FSTL5: variants seen among roughly 807,000 people sequenced by gnomAD.
The protein encoded by FSTL5 is follistatin like 5.
In FSTL5, 62 loss-of-function variants were observed where a neutral mutation model predicts 89.1. The observed-to-expected ratio is 0.70, with a 90% confidence interval of 0.57 to 0.86. The LOEUF (loss-of-function observed/expected upper bound fraction) is 0.86, where lower values mean the gene tolerates loss of function less well. FSTL5 is among the 40% of genes least tolerant of loss of function. The pLI is 0.00. For synonymous variants in FSTL5, 383 were observed against 346.2 expected (o/e 1.11, Z -1.18); for missense variants, 1,057 against 1,001.6 (o/e 1.06, Z -0.75).
chr4:161,727,493 G>T (rs1471929096), intron 6 of FSTL5, among the ~76,000 whole-genome samples: 1 of 152,110 alleles, frequency 6.6e-6, no homozygotes, highest in Admixed American at 6.5e-5. Context: ...AGTGAAGCTG[G>T]TCAATTTGCC....
intron 3 of FSTL5, among the ~76,000 whole-genome samples, chr4:161,988,119 T>A (rs914657837): frequency 2.6e-5 from 4 of 151,742 alleles, no homozygotes; most frequent in Non-Finnish European, 5.9e-5. Context: ...TAATACTAGA[T>A]AAACTATAGC....
At chr4:161,584,666 T>C (rs1363908055) in intron 8 of FSTL5, among the ~76,000 whole-genome samples, 1 of 152,192 alleles carries the variant, frequency 6.6e-6, no homozygotes, top group Non-Finnish European at 1.5e-5. Flanking sequence ...ACTATAATCA[T>C]AGTTTTATTA....
Position 161,826,540 on chromosome 4 carries a change from G to A in FSTL5, c.410-50466C>T, listed in dbSNP as rs558088585. 7.9e-5 allele frequency among the ~76,000 whole-genome samples: 12 copies of A among 152,174 alleles called. No individual in the cohort carries two copies. The South Asian group carries it at 2.3e-3, about 29-fold the overall frequency. On this transcript the variant is annotated intron_variant, in intron 4 of 15. Coordinates refer to ENST00000306100, the MANE Select transcript of FSTL5 (RefSeq NM_020116.5). The stretch of plus-strand genomic sequence containing the variant: ...TCTATCTCATTTCTTATGTCTGGTA[G>A]TAATTGTTTTATAAATTTGGGAGTT...
rs111538233 is a variant in FSTL5 at position 161,435,739 on chromosome 4, C to T, written c.1841+19265G>A. On this transcript the variant is annotated intron_variant, in intron 15 of 15. Coordinates refer to ENST00000306100, the MANE Select transcript of FSTL5 (RefSeq NM_020116.5). ...TACATATATATAAAAAACATATTCA[C>T]AAAAATTAAAAACATTTTTGTAAAA... Among the ~76,000 whole-genome samples the T allele has an allele frequency of 2.2e-3, 337 of 150,972 alleles. 1 individual carries two copies. Among genetic ancestry groups the T allele is most frequent in the African/African-American group, 7.8e-3 (323 of 41,266 alleles).
chr4:161,994,418 G>A (rs1385667578), intron 3 of FSTL5, among the ~76,000 whole-genome samples: 5 of 152,132 alleles, frequency 3.3e-5, no homozygotes, highest in East Asian at 1.9e-4. Flanking sequence ...TTGCTGGGTC[G>A]AATGGCAGTT....
chr4:162,006,424 G>A (rs899668738), intron 3 of FSTL5, among the ~76,000 whole-genome samples: 3 of 151,806 alleles, frequency 2.0e-5, no homozygotes, highest in Non-Finnish European at 1.5e-5. Flanking sequence ...TGTGATACTA[G>A]GGAAATGATA....
At chr4:162,098,655 T>C (rs190429910) in intron 2 of FSTL5, among the ~76,000 whole-genome samples, 167 of 152,124 alleles carry the variant, frequency 1.1e-3, no homozygotes, top group Admixed American at 6.5e-4. Flanking sequence ...CTAGCAATAC[T>C]AAATTTCAAG....
intron 4 of FSTL5, among the ~76,000 whole-genome samples, chr4:161,873,408 G>A (rs112187284): frequency 1.4e-4 from 22 of 151,888 alleles, no homozygotes; most frequent in Middle Eastern, 3.4e-3. Context: ...ATACAAGAGC[G>A]ACATATAAAA....
chr4:162,102,715 A>G (rs924694755), intron 2 of FSTL5, among the ~76,000 whole-genome samples: 1 of 145,312 alleles, frequency 6.9e-6, no homozygotes, highest in East Asian at 2.0e-4. Flanking sequence ...ATATTTATAT[A>G]TATTTATTTA....
chr4:161,825,774 C>T (rs1730648319), intron 4 of FSTL5, among the ~76,000 whole-genome samples: 2 of 152,014 alleles, frequency 1.3e-5, no homozygotes, highest in Non-Finnish European at 2.9e-5. Flanking sequence ...TGGATCTTCT[C>T]TCTTCCTTAC....
chr4:161,553,255 A>G (rs550088716), intron 8 of FSTL5, among the ~76,000 whole-genome samples: 41 of 151,526 alleles, frequency 2.7e-4, no homozygotes, highest in African/African-American at 7.0e-4. Context: ...TAATATAAAC[A>G]TCAAATAATT....
intron 2 of FSTL5, among the ~76,000 whole-genome samples, chr4:162,048,848 G>A (rs1578985887): frequency 6.6e-6 from 1 of 152,084 alleles, no homozygotes; most frequent in African/African-American, 2.4e-5. Context: ...AATTAAAAGA[G>A]GTAGCTGAAA....
chr4:161,574,356 T>TA (rs1733138113), intron 8 of FSTL5, among the ~76,000 whole-genome samples: 2 of 151,416 alleles, frequency 1.3e-5, no homozygotes, highest in Admixed American at 6.6e-5. Context: ...TTTTTTTTTT[T>TA]AAATTTTACT....
chr4:161,807,172 G>A (rs1048319959), intron 4 of FSTL5, among the ~76,000 whole-genome samples: 11 of 146,116 alleles, frequency 7.5e-5, no homozygotes, highest in Admixed American at 4.2e-4. Flanking sequence ...CATCTACTAC[G>A]ACTATTTGAA....
intron 6 of FSTL5, among the ~76,000 whole-genome samples, chr4:161,740,723 T>C (rs1186823664): frequency 1.3e-5 from 2 of 152,222 alleles, no homozygotes; most frequent in Admixed American, 1.3e-4. Context: ...TGATTGATTG[T>C]TGTTTCATTC....
At chr4:161,684,709 C>T (rs1737654100) in intron 6 of FSTL5, among the ~76,000 whole-genome samples, 1 of 152,060 alleles carries the variant, frequency 6.6e-6, no homozygotes, top group South Asian at 2.1e-4. Flanking sequence ...CTCCTACTCT[C>T]TGGGTTGTCT....
At chr4:161,547,794 A>C (rs541049141) in intron 8 of FSTL5, among the ~76,000 whole-genome samples, 1 of 152,052 alleles carries the variant, frequency 6.6e-6, no homozygotes, top group Non-Finnish European at 1.5e-5. Flanking sequence ...GATGGCATAG[A>C]GTAAATTAAA....
rs189226506 is a variant in FSTL5, at chr4:161,695,722, T to G, written c.728-39228A>C. Among the ~76,000 whole-genome samples the G allele has an allele frequency of 2.1e-4, 32 of 152,274 alleles. 1 individual carries two copies. The East Asian group carries it at 5.4e-3, about 26-fold the overall frequency. Reference sequence around the variant, plus strand: ...TCATTTCCCTGATCATTAGTGATGTTGAGCATTTTTTCATATGTTTGTTGG... The same window carrying G: ...TCATTTCCCTGATCATTAGTGATGTGGAGCATTTTTTCATATGTTTGTTGG... On this transcript the variant is annotated intron_variant, in intron 6 of 15. Transcript: ENST00000306100.
At chr4:162,107,151 A>G (rs961067047) in intron 2 of FSTL5, among the ~76,000 whole-genome samples, 5 of 152,284 alleles carry the variant, frequency 3.3e-5, no homozygotes, top group Non-Finnish European at 5.9e-5. Flanking sequence ...TACAGGCCAA[A>G]TTACTACAAA....
Sources: gnomAD v4.1 joint callset for allele counts (sites outside exome capture counted in the v4.1 genomes callset) on GRCh38, gnomAD v4.1.1 for gene constraint, MANE v1.5 for transcripts, NCBI Gene and HGNC (gene_info 2026-07-23, HGNC 2026-07-21) for gene names.